Variants in BRINP3 observed in about 807,000 individuals in gnomAD.
The protein encoded by BRINP3 is BMP/retinoic acid-inducible neural-specific protein 3.
BRINP3 carries 19 observed loss-of-function variants against 71.0 expected under a neutral mutation model. The ratio of observed to expected loss-of-function variants is 0.27; its 90% CI spans 0.19 to 0.39. The LOEUF is 0.39. Ranked by LOEUF, BRINP3 falls within the 10% of genes least tolerant of loss-of-function variation. The pLI is 1.00. For missense variants in BRINP3, 959 were observed against 940.8 expected (o/e 1.02, Z -0.25); for synonymous variants, 380 against 337.7 (o/e 1.13, Z -1.37).
chr1:190,373,803 C>T (rs892151486), intron 2 of BRINP3, among the ~76,000 whole-genome samples: 7 of 151,302 alleles, frequency 4.6e-5, no homozygotes, highest in East Asian at 2.0e-4. Flanking sequence ...AATTGTGGTT[C>T]GTGCAAAAGT....
chr1:190,260,559 G>T (rs12117417), intron 4 of BRINP3, among the ~76,000 whole-genome samples: 21,699 of 151,280 alleles, frequency 0.14, 1,615 homozygotes, highest in Non-Finnish European at 0.17. Flanking sequence ...TATATATATA[G>T]AGAGAGAGAG....
At chr1:190,230,076 G>T (rs976338093) in intron 5 of BRINP3, among the ~76,000 whole-genome samples, 2 of 151,864 alleles carry the variant, frequency 1.3e-5, no homozygotes, top group African/African-American at 4.8e-5. Flanking sequence ...ACATTTAAGA[G>T]ATAATTAGGG....
chr1:190,185,540 G>T (rs988111426), intron 6 of BRINP3, among the ~76,000 whole-genome samples: 33 of 152,030 alleles, frequency 2.2e-4, no homozygotes, highest in African/African-American at 7.5e-4. Context: ...TACATAAATA[G>T]AAAATTGGCT....
chr1:190,190,262 T>C (rs969525241), intron 6 of BRINP3, among the ~76,000 whole-genome samples: 2 of 152,148 alleles, frequency 1.3e-5, no homozygotes, highest in African/African-American at 2.4e-5. Context: ...TTGGGTTCAA[T>C]GCAAAGTCCT....
chr1:190,349,937 T>TA (rs1215254934), intron 2 of BRINP3, among the ~76,000 whole-genome samples: 3 of 152,106 alleles, frequency 2.0e-5, no homozygotes, highest in Non-Finnish European at 2.9e-5. Flanking sequence ...GAAAATGCTT[T>TA]TTTAGTACAG....
At chr1:190,297,591 A>G (rs921700400) in intron 2 of BRINP3, among the ~76,000 whole-genome samples, 1 of 152,072 alleles carries the variant, frequency 6.6e-6, no homozygotes, top group Non-Finnish European at 1.5e-5. Context: ...TCATAAATAA[A>G]TGTTGAATTT....
At chr1:190,147,721 G>T (rs949535595) in intron 7 of BRINP3, among the ~76,000 whole-genome samples, 4 of 152,156 alleles carry the variant, frequency 2.6e-5, no homozygotes, top group Admixed American at 6.5e-5. Context: ...TCCCTCTCAT[G>T]GTTAGATTGG....
chr1:190,395,381 GA>G (rs2102326926), intron 2 of BRINP3, among the ~76,000 whole-genome samples: 1 of 151,612 alleles, frequency 6.6e-6, no homozygotes, highest in East Asian at 1.9e-4. Flanking sequence ...ATTTTAACAG[GA>G]AAAAACTTTC....
At chr1:190,379,078 C>T (rs1670355539) in intron 2 of BRINP3, among the ~76,000 whole-genome samples, 1 of 151,954 alleles carries the variant, frequency 6.6e-6, no homozygotes, top group African/African-American at 2.4e-5. Context: ...TCACAGTTCT[C>T]GATAAAAATA....
chr1:190,377,014 TG>T (rs1670227941), intron 2 of BRINP3, among the ~76,000 whole-genome samples: 1 of 152,042 alleles, frequency 6.6e-6, no homozygotes, highest in African/African-American at 2.4e-5. Context: ...TGGTACTGAA[TG>T]CATGAAAAGT....
At chr1:190,226,968 G>A (rs1325368322) in intron 5 of BRINP3, among the ~76,000 whole-genome samples, 1 of 151,872 alleles carries the variant, frequency 6.6e-6, no homozygotes, top group Non-Finnish European at 1.5e-5. Context: ...CTAGAAACAT[G>A]TTTAGTAAAG....
In BRINP3 at chr1:190,442,119, G is replaced by A. The variant is rs185138008; in HGVS notation, c.236+12536C>T. Among the ~76,000 whole-genome samples, 645 of 152,236 alleles carry A rather than the reference G, an allele frequency of 4.2e-3. 12 individuals carry two copies. Among genetic ancestry groups the A allele is most frequent in the Admixed American group, 0.037 (564 of 15,298 alleles). On this transcript the variant is annotated intron_variant, in intron 2 of 7. Coordinates refer to ENST00000367462, the MANE Select transcript of BRINP3 (RefSeq NM_199051.3). ...ATTATAGTCTGTTACTTTTTAAATT[G>A]ATAAACATGGAGATGTATTCCAATG...
At chr1:190,407,159 A>C (rs1037696657) in intron 2 of BRINP3, among the ~76,000 whole-genome samples, 1 of 152,196 alleles carries the variant, frequency 6.6e-6, no homozygotes, top group African/African-American at 2.4e-5. Flanking sequence ...CATGGTATGA[A>C]AACACAGGCT....
At position 190,412,395 on chromosome 1, in the gene BRINP3, T is replaced by TTATATA. The variant is rs10552194; in HGVS notation, c.236+42254_236+42259dup. 1.1e-3 allele frequency among the ~76,000 whole-genome samples: 143 copies of TTATATA among 134,992 alleles called. 1 individual carries two copies. The highest frequency in any genetic ancestry group is 6.1e-3 in the East Asian group (28 of 4,566). The allele number at this position is 134,992 out of a possible 152,430, so 88.6% of individuals were successfully genotyped here. A position where few individuals can be genotyped will look rare whatever the true frequency, so the allele number is the denominator to read the frequency against. On this transcript the variant is annotated intron_variant, in intron 2 of 7. Coordinates refer to ENST00000367462, the MANE Select transcript of BRINP3 (RefSeq NM_199051.3). Reference sequence around the variant, plus strand: ...ACAACAAAGAAAAGATATATATATATTATATATATATATATATATACACTT... The same window carrying TTATATA: ...ACAACAAAGAAAAGATATATATATATTATATATATATATATATATATATATACACTT...
intron 3 of BRINP3, among the ~76,000 whole-genome samples, chr1:190,280,222 A>G (rs1662930561): frequency 6.6e-6 from 1 of 151,918 alleles, no homozygotes; most frequent in South Asian, 2.1e-4. Flanking sequence ...ACATTTGGGT[A>G]GAAAAATGTG....
At chr1:190,229,978 T>C (rs1657806432) in intron 5 of BRINP3, among the ~76,000 whole-genome samples, 1 of 151,684 alleles carries the variant, frequency 6.6e-6, no homozygotes, top group Non-Finnish European at 1.5e-5. Context: ...GAACTAGAAA[T>C]TATAAAGAAA....
At chr1:190,261,687 T>G (rs772024876) in intron 4 of BRINP3, among the ~76,000 whole-genome samples, 5 of 152,182 alleles carry the variant, frequency 3.3e-5, no homozygotes, top group Non-Finnish European at 7.4e-5. Context: ...ACAGAACAAC[T>G]TCATTCAATA....
intron 6 of BRINP3, among the ~76,000 whole-genome samples, chr1:190,202,535 G>T (rs1156406549): frequency 1.3e-5 from 2 of 152,064 alleles, no homozygotes; most frequent in African/African-American, 4.8e-5. Flanking sequence ...AGGGGCAAGA[G>T]GTGGAATGAT....
At chr1:190,203,268 A>G (rs1655166208) in intron 6 of BRINP3, among the ~76,000 whole-genome samples, 1 of 152,018 alleles carries the variant, frequency 6.6e-6, no homozygotes, top group Non-Finnish European at 1.5e-5. Context: ...ATTCATTGAG[A>G]ACAATCTATA....
Sources: allele counts gnomAD v4.1 joint callset (sites outside exome capture counted in the v4.1 genomes callset), GRCh38; gene constraint gnomAD v4.1.1; transcripts MANE v1.5; gene names NCBI Gene and HGNC (gene_info 2026-07-23, HGNC 2026-07-21).